Variants in RBFOX1 observed in about 807,000 individuals in gnomAD.
RBFOX1 encodes the protein RNA binding fox-1 homolog 1, also known as RNA binding protein fox-1 homolog 1.
RBFOX1 carries 8 observed loss-of-function variants against 57.7 expected under a neutral mutation model. That is an observed-to-expected ratio of 0.14 (90% CI 0.08 to 0.25). RBFOX1 has a LOEUF of 0.25. Ranked by LOEUF, RBFOX1 falls within the 10% of genes least tolerant of loss-of-function variation. The pLI, the probability that RBFOX1 is intolerant of heterozygous loss-of-function variation, is 1.00. For missense variants in RBFOX1, 611 were observed against 548.5 expected (o/e 1.11, Z -1.14); for synonymous variants, 326 against 222.4 (o/e 1.47, Z -4.15).
intron 1 of RBFOX1, among the ~76,000 whole-genome samples, chr16:5,351,965 G>A (rs1406361987): frequency 1.3e-5 from 2 of 152,084 alleles, no homozygotes; most frequent in East Asian, 3.9e-4. Context: ...CACCACGCTC[G>A]GCTAATTTTT....
chr16:6,945,362 T>A (rs1471812399), intron 3 of RBFOX1, among the ~76,000 whole-genome samples: 1 of 152,170 alleles, frequency 6.6e-6, no homozygotes, highest in African/African-American at 2.4e-5. Context: ...CAGTCAAACA[T>A]GGCCCATTGC....
chr16:5,281,296 T>G (rs2063265894), intron 1 of RBFOX1, among the ~76,000 whole-genome samples: 1 of 152,212 alleles, frequency 6.6e-6, no homozygotes. Flanking sequence ...GAAGATAATT[T>G]ATGATTTTAA....
At chr16:6,625,970 A>G (rs539214716) in intron 2 of RBFOX1, among the ~76,000 whole-genome samples, 1 of 152,274 alleles carries the variant, frequency 6.6e-6, no homozygotes, top group African/African-American at 2.4e-5. Flanking sequence ...CATGTTCAGT[A>G]ATTTTTGAAT....
At chr16:6,406,089 C>G (rs1249594306) in intron 2 of RBFOX1, among the ~76,000 whole-genome samples, 1 of 152,198 alleles carries the variant, frequency 6.6e-6, no homozygotes, top group African/African-American at 2.4e-5. Context: ...AGGGCTCAGC[C>G]TGAATGCTTC....
intron 1 of RBFOX1, among the ~76,000 whole-genome samples, chr16:6,279,067 G>A (rs1351964614): frequency 1.3e-5 from 2 of 152,110 alleles, no homozygotes; most frequent in Non-Finnish European, 2.9e-5. Context: ...ATCATTGCAG[G>A]TGGGGGGAAA....
In RBFOX1 at chr16:5,947,421, G is replaced by A. The variant is rs2059422574; in HGVS notation, c.351+80086G>A. Among the ~76,000 whole-genome samples the A allele has an allele frequency of 6.6e-6, 1 of 152,166 alleles. No homozygotes were observed. The highest frequency in any genetic ancestry group is 2.1e-4 in the South Asian group (1 of 4,820). On this transcript the variant is annotated intron_variant, in intron 4 of 19. Transcript: ENST00000641259. The surrounding 1 kb of genome is among the most constrained non-coding windows in gnomAD (Gnocchi z 7.2). ...GTCTTGCTCTCGCTCAGACTGGAGT[G>A]CATTGGTATGATCATGGCTCACTAC...
At chr16:7,065,466 C>T (rs1171089686) in intron 4 of RBFOX1, among the ~76,000 whole-genome samples, 1 of 152,166 alleles carries the variant, frequency 6.6e-6, no homozygotes. Context: ...TCTGAACCTG[C>T]TTCTGCAGCA....
intron 3 of RBFOX1, among the ~76,000 whole-genome samples, chr16:6,780,488 T>TACATTTTTATATA (rs1267272856): frequency 1.1e-5 from 1 of 91,400 alleles, no homozygotes; most frequent in East Asian, 3.7e-4. Flanking sequence ...TTATATATAT[T>TACATTTTTATATA]TATATACATT....
chr16:7,299,936 C>T (rs1006975994), intron 4 of RBFOX1, among the ~76,000 whole-genome samples: 1 of 152,146 alleles, frequency 6.6e-6, no homozygotes, highest in East Asian at 1.9e-4. Context: ...TGGATTTATC[C>T]AGATGTGACC....
chr16:6,284,773 A>G (rs2076730021), intron 1 of RBFOX1, among the ~76,000 whole-genome samples: 1 of 152,132 alleles, frequency 6.6e-6, no homozygotes, highest in South Asian at 2.1e-4. Context: ...AGTCATTGGT[A>G]TTCAGCTAGG....
intron 3 of RBFOX1, among the ~76,000 whole-genome samples, chr16:6,709,850 C>A (rs991682896): frequency 6.6e-6 from 1 of 152,074 alleles, no homozygotes; most frequent in South Asian, 2.1e-4. Flanking sequence ...GGTACACAAC[C>A]GGAAGGTATG....
intron 1 of RBFOX1, among the ~76,000 whole-genome samples, chr16:5,453,519 G>C (rs867706927): frequency 3.1e-4 from 47 of 152,268 alleles, no homozygotes; most frequent in African/African-American, 1.1e-3. Context: ...ATGCTCTGGT[G>C]TAAGGAAATG....
At chr16:7,708,972 T>C (rs1416069063) in intron 14 of RBFOX1, 84 bp from the exon 15 acceptor site, 3 of 1,310,206 alleles carry the variant, frequency 2.3e-6, no homozygotes, top group Non-Finnish European at 3.3e-6. Flanking sequence ...CCCTGCATAC[T>C]GTCTTGGTAT....
intron 3 of RBFOX1, among the ~76,000 whole-genome samples, chr16:5,729,396 C>CTTTTTTTTTTTTTT: frequency 9.0e-6 from 1 of 111,480 alleles, no homozygotes. Flanking sequence ...TTTTTCTTTT[C>CTTTTTTTTTTTTTT]TTTTTTTTTT....
At chr16:5,655,002 C>T (rs554267132) in intron 3 of RBFOX1, among the ~76,000 whole-genome samples, 11 of 152,320 alleles carry the variant, frequency 7.2e-5, no homozygotes, top group East Asian at 5.8e-4. Flanking sequence ...TTGCCTTGCA[C>T]ACTGGGTCCA....
At chr16:6,574,120 A>T (rs2097386697) in intron 2 of RBFOX1, among the ~76,000 whole-genome samples, 1 of 152,166 alleles carries the variant, frequency 6.6e-6, no homozygotes, top group Non-Finnish European at 1.5e-5. Context: ...CTTGAGCTGC[A>T]CACTCAAGGA....
intron 2 of RBFOX1, among the ~76,000 whole-genome samples, chr16:5,583,353 A>G (rs1405986442): frequency 1.3e-5 from 2 of 152,220 alleles, no homozygotes; most frequent in East Asian, 3.9e-4. Flanking sequence ...ATGTATCTGT[A>G]ATAATAGCTG....
At chr16:6,314,627 G>C (rs1403235162) in intron 1 of RBFOX1, among the ~76,000 whole-genome samples, 3 of 151,824 alleles carry the variant, frequency 2.0e-5, no homozygotes, top group Non-Finnish European at 4.4e-5. Flanking sequence ...TAGAATGTAA[G>C]GATATGTTCG....
intron 5 of RBFOX1, among the ~76,000 whole-genome samples, chr16:7,526,550 G>C (rs952489929): frequency 6.6e-6 from 1 of 152,156 alleles, no homozygotes; most frequent in African/African-American, 2.4e-5. Context: ...ATGGATTACA[G>C]AACAACAGAG....
Sources: allele counts gnomAD v4.1 joint callset (sites outside exome capture counted in the v4.1 genomes callset), GRCh38; gene constraint gnomAD v4.1.1; non-coding constraint Gnocchi (gnomAD v3.1); transcripts MANE v1.5; gene names NCBI Gene and HGNC (gene_info 2026-07-23, HGNC 2026-07-21).